XKR9: variants seen among roughly 807,000 people sequenced by gnomAD.
The protein encoded by XKR9 is XK related 9.
In XKR9, 32 loss-of-function variants were observed where a neutral mutation model predicts 32.0. The ratio of observed to expected loss-of-function variants is 1.00; its 90% CI spans 0.76 to 1.34. XKR9 has a LOEUF of 1.34. Among genes scored for constraint, XKR9 ranks in the 40% most tolerant of loss-of-function variants. The probability of loss-of-function intolerance (pLI) is 0.00; values close to 1 mark genes in which losing one functional copy is unlikely to be tolerated. For synonymous variants in XKR9, 168 were observed against 143.4 expected (o/e 1.17, Z -1.22); for missense variants, 546 against 429.7 (o/e 1.27, Z -2.39).
chr8:70,750,366 AT>A (rs1204194649), intron 2 of XKR9, among the ~76,000 whole-genome samples: 1 of 152,128 alleles, frequency 6.6e-6, no homozygotes, highest in East Asian at 1.9e-4. Flanking sequence ...AAATCATCTG[AT>A]TCCACTTTGG....
chr8:70,885,002 A>G, the XKR9 span, among the ~76,000 whole-genome samples: 3 of 152,182 alleles, frequency 2.0e-5, no homozygotes, highest in South Asian at 2.1e-4. Context: ...CTTTCTATCC[A>G]TGAACATGGA....
the XKR9 span, among the ~76,000 whole-genome samples, chr8:70,968,720 G>A: frequency 1.3e-5 from 2 of 152,052 alleles, no homozygotes; most frequent in Non-Finnish European, 2.9e-5. Flanking sequence ...GTTTGCTGGG[G>A]GTCCACTCCA....
intron 4 of XKR9, among the ~76,000 whole-genome samples, chr8:70,721,371 C>T (rs950544782): frequency 6.6e-6 from 1 of 151,990 alleles, no homozygotes; most frequent in African/African-American, 2.4e-5. Flanking sequence ...TCTTGCTTTT[C>T]TAGTTCTTTT....
At chr8:70,960,890 G>T in the XKR9 span, among the ~76,000 whole-genome samples, 1 of 147,182 alleles carries the variant, frequency 6.8e-6, no homozygotes, top group African/African-American at 2.5e-5. Flanking sequence ...AAAAAAAAAA[G>T]AAGGAAAGGC....
At chr8:70,880,011 C>A in the XKR9 span, among the ~76,000 whole-genome samples, 1 of 152,120 alleles carries the variant, frequency 6.6e-6, no homozygotes, top group Non-Finnish European at 1.5e-5. Context: ...ATAAACAGAA[C>A]CAATGACAAA....
chr8:70,689,333 G>A (rs1819426687), intron 3 of XKR9, among the ~76,000 whole-genome samples: 1 of 151,592 alleles, frequency 6.6e-6, no homozygotes, highest in Admixed American at 6.6e-5. Context: ...ACAAAAATCT[G>A]AATGACTATA....
the XKR9 span, among the ~76,000 whole-genome samples, chr8:71,043,938 T>C: frequency 7.9e-5 from 12 of 152,290 alleles, no homozygotes; most frequent in East Asian, 1.7e-3. Context: ...ACCTGAAAGA[T>C]AGAATTATTT....
intron 3 of XKR9, among the ~76,000 whole-genome samples, chr8:70,699,727 C>A (rs966454819): frequency 1.3e-5 from 2 of 152,144 alleles, no homozygotes; most frequent in Non-Finnish European, 2.9e-5. Context: ...TGAATGTTGG[C>A]CTGCCTTGCT....
the XKR9 span, among the ~76,000 whole-genome samples, chr8:71,033,602 T>C: frequency 2.6e-5 from 4 of 152,132 alleles, no homozygotes; most frequent in Non-Finnish European, 5.9e-5. Flanking sequence ...ATGAATAGAT[T>C]AATGTCATCC....
the XKR9 span, among the ~76,000 whole-genome samples, chr8:70,904,082 G>C: frequency 3.9e-5 from 6 of 152,186 alleles, no homozygotes; most frequent in African/African-American, 1.2e-4. Flanking sequence ...GTGCTGAGAA[G>C]AATGTATACT....
chr8:70,889,405 G>T, the XKR9 span, among the ~76,000 whole-genome samples: 1 of 150,660 alleles, frequency 6.6e-6, no homozygotes, highest in African/African-American at 2.4e-5. Context: ...AACTTTTATC[G>T]TTTCACCTTT....
chr8:70,810,188 C>G, the XKR9 span, among the ~76,000 whole-genome samples: 1 of 152,152 alleles, frequency 6.6e-6, no homozygotes, highest in Admixed American at 6.5e-5. Flanking sequence ...TCCAGCCAAA[C>G]TAAGCTTCAT....
the XKR9 span, among the ~76,000 whole-genome samples, chr8:70,854,719 C>A: frequency 6.6e-6 from 1 of 152,144 alleles, no homozygotes; most frequent in Non-Finnish European, 1.5e-5. Flanking sequence ...AGGAAAGGAT[C>A]CAGTTTCAGC....
At chr8:70,940,115 G>A in the XKR9 span, among the ~76,000 whole-genome samples, 2 of 152,128 alleles carry the variant, frequency 1.3e-5, no homozygotes, top group African/African-American at 4.8e-5. Context: ...TAGGTTCTGT[G>A]TAATGGGGAC....
the XKR9 span, among the ~76,000 whole-genome samples, chr8:70,824,286 T>C: frequency 2.0e-5 from 3 of 152,174 alleles, no homozygotes; most frequent in African/African-American, 4.8e-5. Flanking sequence ...ACTTATAAGT[T>C]ATTTTTAGCA....
the XKR9 span, among the ~76,000 whole-genome samples, chr8:71,055,342 G>A: frequency 6.6e-6 from 1 of 152,274 alleles, no homozygotes; most frequent in East Asian, 1.9e-4. Flanking sequence ...TAGGAAGATG[G>A]GTGAACAAGA....
chr8:70,856,614 C>G, the XKR9 span, among the ~76,000 whole-genome samples: 10,763 of 152,208 alleles, frequency 0.071, 459 homozygotes, highest in Non-Finnish European at 0.089. Context: ...AGCTCTGCAC[C>G]AAGCGGACCT....
the XKR9 span, among the ~76,000 whole-genome samples, chr8:70,842,273 G>C: frequency 6.6e-6 from 1 of 152,072 alleles, no homozygotes; most frequent in South Asian, 2.1e-4. Flanking sequence ...GCTTCTGTGT[G>C]CTTTTGAAAT....
At chr8:71,033,963 A>G in the XKR9 span, among the ~76,000 whole-genome samples, 1 of 152,220 alleles carries the variant, frequency 6.6e-6, no homozygotes, top group Non-Finnish European at 1.5e-5. Context: ...AATACTTCAC[A>G]TGTTCATACA....
Sources: gnomAD v4.1 joint callset for allele counts (sites outside exome capture counted in the v4.1 genomes callset) on GRCh38, gnomAD v4.1.1 for gene constraint, MANE v1.5 for transcripts, NCBI Gene and HGNC (gene_info 2026-07-23, HGNC 2026-07-21) for gene names.